Variants in MUC5B observed in about 807,000 individuals in gnomAD.
MUC5B encodes mucin 5B, oligomeric mucus/gel-forming.
MUC5B carries 116 observed loss-of-function variants against 376.9 expected under a neutral mutation model. The observed-to-expected ratio is 0.31, with a 90% CI of 0.26 to 0.36. MUC5B has a LOEUF of 0.36. MUC5B is among the 10% of genes least tolerant of loss of function. MUC5B has a pLI of 1.00. For synonymous variants in MUC5B, 3,517 were observed against 3,390.9 expected (o/e 1.04, Z -1.29); for missense variants, 7,165 against 7,769.9 (o/e 0.92, Z 2.93).
At chr11:1,235,573 A>G in intron 23 of MUC5B, 160 bp downstream of exon 23, 1 of 650,222 alleles carries the variant, frequency 1.5e-6, no homozygotes, top group Non-Finnish European at 2.7e-6. Flanking sequence ...CTTAGACAAC[A>G]GAAATGCATT....
intron 17 of MUC5B, 22 bp from the exon 18 acceptor site, chr11:1,232,991 C>A: frequency 6.4e-7 from 1 of 1,558,654 alleles, no homozygotes; most frequent in Non-Finnish European, 8.7e-7. Context: ...TGACCTGTCC[C>A]CCCTGGCCCC....
intron 7 of MUC5B, 30 bp from the exon 8 acceptor site, chr11:1,228,534 G>T: frequency 6.7e-7 from 1 of 1,488,408 alleles, no homozygotes; most frequent in Non-Finnish European, 9.0e-7. Context: ...GATGGCAGGG[G>T]TGCCCAGCCT....
rs1862959364 is a variant in MUC5B at position 1,260,170 on chromosome 11, G to A, written c.16923+85G>A. ...CCTGTCTGGGATGCCCTGCACAGCA[G>A]GGAGGCCCCACCCCTGCTGGGGAGG... On this transcript the variant is annotated intron_variant, in intron 46 of 48. Coordinates refer to ENST00000529681, the MANE Select transcript of MUC5B (RefSeq NM_002458.3). The A allele has an allele frequency of 2.1e-6, 3 of 1,451,068 alleles. No homozygotes were observed. In the South Asian group the frequency reaches 3.7e-5, roughly 18 times the overall value. The allele number at this position is 1,451,068 out of a possible 1,614,324, so 89.9% of individuals were successfully genotyped here. A position where few individuals can be genotyped will look rare whatever the true frequency, so the allele number is the denominator to read the frequency against.
intron 44 of MUC5B, 118 bp from the exon 45 acceptor site, chr11:1,259,638 C>T: frequency 2.0e-6 from 2 of 1,015,992 alleles, no homozygotes; most frequent in South Asian, 1.4e-5. Context: ...GGTATAGGCC[C>T]AGGCAGGGAC....
chr11:1,229,210 C>T lies in MUC5B; in HGVS notation c.1017C>T (p.Gly339=), dbSNP rs1477322159. The change falls in exon 9 of 49, where the codon GGC becomes GGT. Residue 339 remains glycine (G), a synonymous_variant. Transcript: ENST00000529681. ...TCAACATGCAGCACCAGGAGTGTGG[C>T]TCACCCTGCACGGACACCTGCTCCA... is the stretch of plus-strand genomic sequence containing the variant. ...CPLNMQHQEC[G]SPCTDTCSNP... 1 of 1,600,508 alleles carries T rather than the reference C, an allele frequency of 6.2e-7. No homozygotes were observed. Among genetic ancestry groups the T allele is most frequent in the South Asian group, 1.1e-5 (1 of 89,334 alleles).
In MUC5B at chr11:1,243,333, A is replaced by G; in HGVS notation, c.6453A>G (p.Ser2151=). The G allele has an allele frequency of 4.5e-6, 7 of 1,552,440 alleles. No homozygotes were observed. Among genetic ancestry groups the G allele is most frequent in the Admixed American group, 2.0e-5 (1 of 50,764 alleles). ...CCGGCTCCACCACCAACCCCTCCTC[A>G]ACTCCTGGGACAACTCCCATCCCCC... ...TATGSTTNPS[S]TPGTTPIPPV... The change falls in exon 31 of 49, where the codon TCA becomes TCG. Residue 2151 remains serine (S), a synonymous_variant. Coordinates refer to ENST00000529681, the MANE Select transcript of MUC5B (RefSeq NM_002458.3).
rs1288262810 is a variant in MUC5B, at chr11:1,239,481, G to C, written c.3498G>C (p.Trp1166Cys). Reference sequence around the variant, plus strand: ...ACAACCCACATGGGGGCTGTGAGTGGCACTACCAGCCCTGCGGGGCACCCT... The same window carrying C: ...ACAACCCACATGGGGGCTGTGAGTGCCACTACCAGCCCTGCGGGGCACCCT... ...DFYNPHGGCE[W>C]HYQPCGAPCL... Residue 1166 changes from tryptophan (W) to cysteine (C), a missense_variant, in exon 27 of 49, where the codon TGG (tryptophan) becomes TGC (cysteine). Trp to Cys is a radical substitution (Grantham distance 215, BLOSUM62 -2). Coordinates refer to ENST00000529681, the MANE Select transcript of MUC5B (RefSeq NM_002458.3). The C allele has an allele frequency of 6.2e-7, 1 of 1,607,630 alleles. No individual in the cohort carries two copies. The highest frequency in any genetic ancestry group is 8.5e-7 in the Non-Finnish European group (1 of 1,175,708).
At position 1,246,089 on chromosome 11, in the gene MUC5B, C is replaced by A. The variant is rs1346717755; in HGVS notation, c.9209C>A (p.Pro3070His). ...ACAGCTACCAGCTTTACACCCATCCCCTCCTTCACCCTTGGGACCACCGGG... is the reference window on the plus strand; with the variant it reads ...ACAGCTACCAGCTTTACACCCATCCACTCCTTCACCCTTGGGACCACCGGG... The part of the protein sequence containing the change: ...KSTATSFTPI[P>H]SFTLGTTGTL... The change falls in exon 31 of 49, where the codon CCC (proline) becomes CAC (histidine). Residue 3070 changes from proline (P) to histidine (H), a missense_variant. Pro to His is a moderately conservative substitution (Grantham distance 77, BLOSUM62 -2). Coordinates refer to ENST00000529681, the MANE Select transcript of MUC5B (RefSeq NM_002458.3). 6.2e-7 allele frequency: 1 copy of A among 1,612,814 alleles called. No homozygotes were observed. The highest frequency in any genetic ancestry group is 1.3e-5 in the African/African-American group (1 of 74,496).
Position 1,234,606 on chromosome 11 carries a change from G to C in MUC5B, c.2556G>C (p.Glu852Asp). The change falls in exon 21 of 49, where the codon GAG (glutamate) becomes GAC (aspartate). Residue 852 changes from glutamate to aspartate, a missense_variant. Around this residue, in one of 31 missense-constraint regions of MUC5B, gnomAD observed 530 missense variants for 604.0 expected, o/e 0.88. Transcript: ENST00000529681. The surrounding 1 kb of genome is among the most constrained non-coding windows in gnomAD (Gnocchi z 6.3). ...VSDGSGGCIA[E>D]EDCPCVHNEA... ...ATGGGAGTGGGGGCTGCATTGCCGA[G>C]GAGGACTGCCCCTGTGTGCACAACG... 2 of 1,566,602 alleles carry C rather than the reference G, an allele frequency of 1.3e-6. No individual in the cohort carries two copies. Among genetic ancestry groups the C allele is most frequent in the Non-Finnish European group, 1.7e-6 (2 of 1,156,498 alleles).
In MUC5B at chr11:1,255,324, C is replaced by G. The variant is rs978334886; in HGVS notation, c.15890+58C>G. ...GGGCGCCCCCGCCCGCCCGCATGCA[C>G]GCACGCACGCAGCTCCCTGGGGCTG... On this transcript the variant is annotated intron_variant, in intron 36 of 48. Coordinates refer to ENST00000529681, the MANE Select transcript of MUC5B (RefSeq NM_002458.3). 21 of 1,525,804 alleles carry G rather than the reference C, an allele frequency of 1.4e-5. No homozygotes were observed. In the Admixed American group the frequency reaches 2.4e-4, roughly 17 times the overall value. 94.5% of individuals were successfully genotyped at this position (1,525,804 alleles called of 1,614,324 possible). A position where few individuals can be genotyped will look rare whatever the true frequency, so the allele number is the denominator to read the frequency against.
Position 1,254,244 on chromosome 11 carries a change from T to C in MUC5B, c.15370T>C (p.Ser5124Pro). ...LYLDNHYCTA[S>P]ATAAAARCPR... ...CCTGGACAACCACTACTGCACGGCCTCTGCCACTGCCGCTGCCGCCCGCTG... is the reference window on the plus strand; with the variant it reads ...CCTGGACAACCACTACTGCACGGCCCCTGCCACTGCCGCTGCCGCCCGCTG... The change falls in exon 34 of 49, where the codon TCT becomes CCT. Residue 5124 changes from serine (S) to proline (P), a missense_variant. By Grantham distance (74) the Ser-to-Pro change is moderately conservative. This residue lies in a region of MUC5B where 842 missense variants were observed against 1,016.9 expected (regional missense o/e 0.83). Coordinates refer to ENST00000529681, the MANE Select transcript of MUC5B (RefSeq NM_002458.3). 6.2e-7 allele frequency: 1 copy of C among 1,612,562 alleles called. No homozygotes were observed. The highest frequency in any genetic ancestry group is 2.2e-5 in the East Asian group (1 of 44,884).
At chr11:1,252,559 G>C in intron 32 of MUC5B, 35 bp downstream of exon 32, 1 of 1,490,924 alleles carries the variant, frequency 6.7e-7, no homozygotes, top group Non-Finnish European at 8.9e-7. Context: ...CCCGTGCTGC[G>C]TGCACACGGT....
Position 1,249,139 on chromosome 11 carries a change from C to G in MUC5B, c.12259C>G (p.Pro4087Ala), listed in dbSNP as rs759262182. ...ACCCCCTTCCCCAGGGACGACCACCCCGGGCCACACCACGGCCACCTCCAG... is the reference window on the plus strand; with the variant it reads ...ACCCCCTTCCCCAGGGACGACCACCGCGGGCCACACCACGGCCACCTCCAG... ...ESPPSPGTTT[P>A]GHTTATSRTT... The change falls in exon 31 of 49, where the codon CCG becomes GCG. Residue 4087 changes from proline (P) to alanine (A), a missense_variant. Physicochemically the swap from Pro to Ala is conservative, Grantham distance 27 (BLOSUM62 -1). Around this residue, in one of 31 missense-constraint regions of MUC5B, gnomAD observed 85 missense variants for 78.2 expected, o/e 1.09. Coordinates refer to ENST00000529681, the MANE Select transcript of MUC5B (RefSeq NM_002458.3). 3 of 1,611,248 alleles carry G rather than the reference C, an allele frequency of 1.9e-6. No homozygotes were observed. Among genetic ancestry groups the G allele is most frequent in the Non-Finnish European group, 2.5e-6 (3 of 1,179,500 alleles).
chr11:1,223,849 C>T (rs1861815604), intron 1 of MUC5B, among the ~76,000 whole-genome samples: 1 of 152,204 alleles, frequency 6.6e-6, no homozygotes, highest in Admixed American at 6.5e-5. Context: ...AAGATGCAGC[C>T]CCAGGGGCCA....
At chr11:1,230,688 C>A in intron 12 of MUC5B, 88 bp downstream of exon 12, 2 of 1,256,804 alleles carry the variant, frequency 1.6e-6, no homozygotes, top group Non-Finnish European at 2.2e-6. Flanking sequence ...CCCCCTCCAG[C>A]CCCGAGGCCA....
At chr11:1,240,150 T>G in intron 29 of MUC5B, 28 bp from the exon 30 acceptor site, 3 of 1,579,586 alleles carry the variant, frequency 1.9e-6, no homozygotes, top group Non-Finnish European at 2.6e-6. Context: ...TCGGAGGCCC[T>G]GGGTGACTCT....
rs372215827 is a variant in MUC5B, at chr11:1,236,440, G to C, written c.2935G>C (p.Gly979Arg). The change falls in exon 24 of 49, where the codon GGT becomes CGT. Residue 979 changes from glycine (G) to arginine (R), a missense_variant. Gly to Arg is a moderately radical substitution (Grantham distance 125). Coordinates refer to ENST00000529681, the MANE Select transcript of MUC5B (RefSeq NM_002458.3). Reference sequence around the variant, plus strand: ...CTTTAAGGCGGTGGCGAGAGGGCCGGGTGGGGACCCACCCTACAAGATACG... The same window carrying C: ...CTTTAAGGCGGTGGCGAGAGGGCCGCGTGGGGACCCACCCTACAAGATACG... ...GTFKAVARGP[G>R]GDPPYKIRYM... 1.2e-6 allele frequency: 2 copies of C among 1,612,770 alleles called. No homozygotes were observed. Among genetic ancestry groups the C allele is most frequent in the East Asian group, 2.2e-5 (1 of 44,872 alleles).
chr11:1,250,757 C>T lies in MUC5B; in HGVS notation c.13877C>T (p.Thr4626Ile). The T allele has an allele frequency of 1.2e-6, 2 of 1,612,072 alleles. No homozygotes were observed. The highest frequency in any genetic ancestry group is 1.7e-6 in the Non-Finnish European group (2 of 1,178,780). The stretch of plus-strand genomic sequence containing the variant: ...TGGATCAGCACAACCACCACACCCA[C>T]AACCACCACACCCACAACCAGTGGC... ...PVWISTTTTP[T>I]TTTPTTSGST... Residue 4626 changes from threonine to isoleucine, a missense_variant, in exon 31 of 49, where the codon ACA (threonine) becomes ATA (isoleucine). Physicochemically the swap from Thr to Ile is moderately conservative, Grantham distance 89. Coordinates refer to ENST00000529681, the MANE Select transcript of MUC5B (RefSeq NM_002458.3).
At position 1,252,539 on chromosome 11, in the gene MUC5B, C is replaced by T. The variant is rs368512411; in HGVS notation, c.15045+15C>T. ...CTCTCCGGCAGGTGGGCCCCGCCTGCCCTCCACCTCCCGTGCTGCGTGCAC... is the reference window on the plus strand; with the variant it reads ...CTCTCCGGCAGGTGGGCCCCGCCTGTCCTCCACCTCCCGTGCTGCGTGCAC... On this transcript the variant is annotated intron_variant, in intron 32 of 48. Transcript: ENST00000529681. 42 of 1,526,096 alleles carry T rather than the reference C, an allele frequency of 2.8e-5. No individual in the cohort carries two copies. Among genetic ancestry groups the T allele is most frequent in the Non-Finnish European group, 3.4e-5 (39 of 1,136,796 alleles). 94.5% of individuals were successfully genotyped at this position (1,526,096 alleles called of 1,614,324 possible). A position where few individuals can be genotyped will look rare whatever the true frequency, so the allele number is the denominator to read the frequency against.
Sources: allele counts gnomAD v4.1 joint callset (sites outside exome capture counted in the v4.1 genomes callset), GRCh38; gene constraint gnomAD v4.1.1; regional missense constraint gnomAD v4.1.1; non-coding constraint Gnocchi (gnomAD v3.1); transcripts MANE v1.5; gene names NCBI Gene and HGNC (gene_info 2026-07-23, HGNC 2026-07-21).